The following HBP1 variants were observed in gnomAD, a reference collection of about 807,000 sequenced individuals.
The protein encoded by HBP1 is HMG box-containing protein 1.
A neutral mutation model predicts 62.6 loss-of-function variants in HBP1; 20 were observed. The ratio of observed to expected loss-of-function variants is 0.32; its 90% CI spans 0.22 to 0.46. HBP1 has a LOEUF of 0.46. HBP1 is among the 20% of genes least tolerant of loss of function. The pLI is 1.00. For synonymous variants in HBP1, 232 were observed against 206.2 expected (o/e 1.12, Z -1.07); for missense variants, 480 against 611.8 (o/e 0.78, Z 2.27).
intron 9 of HBP1, among the ~76,000 whole-genome samples, chr7:107,199,487 G>A (rs1384578786): frequency 2.6e-5 from 4 of 152,358 alleles, no homozygotes; most frequent in Middle Eastern, 3.4e-3. Context: ...GTGGTTTACT[G>A]TTCGAAGGCA....
intron 1 of HBP1, chr7:107,169,688 G>C: frequency 2.1e-6 from 2 of 963,254 alleles, no homozygotes; most frequent in Non-Finnish European, 2.5e-6. Context: ...GGAGCTCGCG[G>C]AGCCGCTGGG....
At chr7:107,180,879 T>A (rs1039632422) in intron 2 of HBP1, among the ~76,000 whole-genome samples, 5 of 152,178 alleles carry the variant, frequency 3.3e-5, no homozygotes, top group Non-Finnish European at 7.4e-5. Context: ...TTGATCTTCC[T>A]CAGTTTTTGG....
At position 107,189,456 on chromosome 7, in the gene HBP1, T is replaced by G. The variant is rs769083672; in HGVS notation, c.922+8T>G. ...TCTATGTTAAAAATAAAGGTAGGGCTTGAATTGCATTTGTAGTAACTTTTT... is the reference window on the plus strand; with the variant it reads ...TCTATGTTAAAAATAAAGGTAGGGCGTGAATTGCATTTGTAGTAACTTTTT... On this transcript the variant is annotated splice_region_variant and intron_variant, in intron 7 of 10. Transcript: ENST00000222574. The G allele has an allele frequency of 6.3e-7, 1 of 1,590,522 alleles. No homozygotes were observed. Among genetic ancestry groups the G allele is most frequent in the Non-Finnish European group, 8.6e-7 (1 of 1,166,694 alleles).
rs1306441308 is a variant in HBP1, at chr7:107,182,358, T to C, written c.170-15T>C. 2.1e-6 allele frequency: 3 copies of C among 1,415,800 alleles called. No individual in the cohort carries two copies. Among genetic ancestry groups the C allele is most frequent in the Admixed American group, 3.4e-5 (2 of 59,564 alleles). The allele number at this position is 1,415,800 out of a possible 1,614,324, so 87.7% of individuals were successfully genotyped here. ...GTAATTTCCTTTTTATGATTTTGAG[T>C]GTGCTTATTTGCAGATGACCTTCCT... On this transcript the variant is annotated splice_polypyrimidine_tract_variant and intron_variant, in intron 2 of 10. Transcript: ENST00000222574.
intron 9 of HBP1, among the ~76,000 whole-genome samples, chr7:107,197,940 C>T (rs967142827): frequency 2.6e-5 from 4 of 152,146 alleles, no homozygotes; most frequent in Admixed American, 6.5e-5. Flanking sequence ...GTGACAGGTA[C>T]ATGCTGCATT....
rs1357383980 is a variant in HBP1 at position 107,182,578 on chromosome 7, G to T, written c.375G>T (p.Leu125=). 3.1e-6 allele frequency: 5 copies of T among 1,592,494 alleles called. No individual in the cohort carries two copies. The highest frequency in any genetic ancestry group is 4.3e-6 in the Non-Finnish European group (5 of 1,160,760). ...TCGCGACCAGTCCACAAAGTCCACT[G>T]ATGCAGTGCTCATTTTACAATAGGT... The part of the protein sequence containing the change: ...ANIATSPQSP[L]MQCSFYNRSS... Residue 125 remains leucine (L), a synonymous_variant, in exon 3 of 11, where the codon CTG becomes CTT. Transcript: ENST00000222574.
At chr7:107,186,930 A>G (rs2115904481) in intron 6 of HBP1, among the ~76,000 whole-genome samples, 1 of 152,252 alleles carries the variant, frequency 6.6e-6, no homozygotes, top group South Asian at 2.1e-4. Flanking sequence ...TGTTTTATAC[A>G]CTTTACAATG....
intron 1 of HBP1, among the ~76,000 whole-genome samples, chr7:107,179,083 A>C (rs1365508351): frequency 1.3e-5 from 2 of 152,256 alleles, no homozygotes; most frequent in African/African-American, 4.8e-5. Context: ...GTTCACTTTC[A>C]GAATGAAGAA....
At chr7:107,175,626 C>G (rs1439315421) in intron 1 of HBP1, among the ~76,000 whole-genome samples, 2 of 151,982 alleles carry the variant, frequency 1.3e-5, no homozygotes, top group African/African-American at 4.8e-5. Context: ...TGTGGTAAAA[C>G]TAGATTCTAT....
intron 1 of HBP1, among the ~76,000 whole-genome samples, chr7:107,171,563 T>G (rs1796597584): frequency 6.6e-6 from 1 of 152,082 alleles, no homozygotes. Flanking sequence ...CACGCATACA[T>G]TATCCATTAG....
At chr7:107,197,296 C>A (rs953609626) in intron 9 of HBP1, among the ~76,000 whole-genome samples, 1 of 152,100 alleles carries the variant, frequency 6.6e-6, no homozygotes, top group Non-Finnish European at 1.5e-5. Flanking sequence ...TACTGTGTTA[C>A]CACAGTAATG....
At position 107,189,337 on chromosome 7, in the gene HBP1, G is replaced by A. The variant is rs1465482838; in HGVS notation, c.811G>A (p.Val271Ile). Residue 271 changes from valine (V) to isoleucine (I), a missense_variant, in exon 7 of 11, where the codon GTA (valine) becomes ATA (isoleucine). Coordinates refer to ENST00000222574, the MANE Select transcript of HBP1 (RefSeq NM_012257.4). ...AAAGTTGTTATCACATGAAGAAAGT[G>A]TATCATTTGGCGAGTCTGTACTGAA... is the stretch of plus-strand genomic sequence containing the variant. The part of the protein sequence containing the change: ...GLKLLSHEES[V>I]SFGESVLKLT... 6.2e-7 allele frequency: 1 copy of A among 1,612,946 alleles called. No homozygotes were observed. The highest frequency in any genetic ancestry group is 2.2e-5 in the East Asian group (1 of 44,810).
chr7:107,179,838 C>G (rs761616115), intron 1 of HBP1, 41 bp from the exon 2 acceptor site: 1 of 1,368,128 alleles, frequency 7.3e-7, no homozygotes, highest in Admixed American at 1.8e-5. Context: ...GCCCAAATTG[C>G]ATGGCTTGAC....
intron 9 of HBP1, among the ~76,000 whole-genome samples, chr7:107,198,212 C>T (rs1584506019): frequency 6.9e-6 from 1 of 144,706 alleles, no homozygotes; most frequent in Admixed American, 6.9e-5. Flanking sequence ...GCTCAAAAAT[C>T]TTTTTTTTTT....
chr7:107,174,863 A>G (rs1796757681), intron 1 of HBP1: 1 of 211,266 alleles, frequency 4.7e-6, no homozygotes, highest in Admixed American at 6.5e-5. Context: ...GTTAAATTAT[A>G]TTCTGTATAC....
chr7:107,169,148 G>A lies in HBP1; in HGVS notation c.-53G>A. 8.3e-7 allele frequency: 1 copy of A among 1,198,452 alleles called. No individual in the cohort carries two copies. The highest frequency in any genetic ancestry group is 1.1e-6 in the Non-Finnish European group (1 of 938,320). The allele number at this position is 1,198,452 out of a possible 1,614,324, so 74.2% of individuals were successfully genotyped here. On this transcript the variant is annotated 5_prime_UTR_variant, in exon 1 of 11. Coordinates refer to ENST00000222574, the MANE Select transcript of HBP1 (RefSeq NM_012257.4). The stretch of plus-strand genomic sequence containing the variant: ...GCTGCTGGTGGTGTTGTCGTGGCCG[G>A]AGCGGCCCGCGCCTGGGCTGCCGGC...
At chr7:107,177,960 T>C (rs1157592385) in intron 1 of HBP1, among the ~76,000 whole-genome samples, 1 of 152,324 alleles carries the variant, frequency 6.6e-6, no homozygotes, top group East Asian at 1.9e-4. Flanking sequence ...AAGAAATTTA[T>C]CAGTGTCATC....
At chr7:107,181,466 T>C (rs1038134630) in intron 2 of HBP1, among the ~76,000 whole-genome samples, 30 of 151,748 alleles carry the variant, frequency 2.0e-4, no homozygotes, top group Non-Finnish European at 3.8e-4. Flanking sequence ...AGTAAGACCC[T>C]ATCTCAAAAA....
At chr7:107,180,227 C>T (rs771708524) in intron 2 of HBP1, among the ~76,000 whole-genome samples, 165 bp downstream of exon 2, 13 of 152,172 alleles carry the variant, frequency 8.5e-5, no homozygotes, top group Non-Finnish European at 1.8e-4. Flanking sequence ...CTACTTAAAA[C>T]CAACATGAGT....
Sources: gnomAD v4.1 joint callset for allele counts (sites outside exome capture counted in the v4.1 genomes callset) on GRCh38, gnomAD v4.1.1 for gene constraint, MANE v1.5 for transcripts, NCBI Gene and HGNC (gene_info 2026-07-23, HGNC 2026-07-21) for gene names.